The following ARHGEF12 variants were observed in gnomAD, a reference collection of about 807,000 sequenced individuals.
The protein encoded by ARHGEF12 is Rho guanine nucleotide exchange factor 12, also known as KMT2A/ARHGEF12 fusion protein.
In ARHGEF12, 66 loss-of-function variants were observed where a neutral mutation model predicts 211.2. The observed-to-expected ratio is 0.31, with a 90% CI of 0.26 to 0.38. The LOEUF is 0.38. Among genes scored for constraint, ARHGEF12 ranks in the 10% least tolerant of loss-of-function variants. The pLI is 1.00. For synonymous variants in ARHGEF12, 592 were observed against 638.4 expected, an observed-to-expected ratio of 0.93 and a Z score of 1.09; for missense variants, 1,429 against 1,869.5, an observed-to-expected ratio of 0.76 and a Z score of 4.34.
chr11:120,365,039 G>A (rs1348803042), intron 1 of ARHGEF12, among the ~76,000 whole-genome samples: 1 of 151,934 alleles, frequency 6.6e-6, no homozygotes, highest in African/African-American at 2.4e-5. Flanking sequence ...CTCCCACATT[G>A]GCCTCCCGAA....
In ARHGEF12 at chr11:120,481,250, C is replaced by T; in HGVS notation, c.4238-10C>T. ...CTGGTCTTATCAAACTATTCTGTCT[C>T]TATCCATAGGAAACTATTTGATCCT... On this transcript the variant is annotated splice_polypyrimidine_tract_variant and intron_variant, in intron 38 of 40. Coordinates refer to ENST00000397843, the MANE Select transcript of ARHGEF12 (RefSeq NM_015313.3). The T allele has an allele frequency of 6.2e-7, 1 of 1,612,192 alleles. No homozygotes were observed. The highest frequency in any genetic ancestry group is 8.5e-7 in the Non-Finnish European group (1 of 1,178,334).
chr11:120,417,332 C>A (rs1377997800), intron 4 of ARHGEF12, among the ~76,000 whole-genome samples: 1 of 151,922 alleles, frequency 6.6e-6, no homozygotes, highest in Non-Finnish European at 1.5e-5. Context: ...TGGAGAAGCA[C>A]GAATATAGTA....
intron 1 of ARHGEF12, among the ~76,000 whole-genome samples, chr11:120,386,087 A>C (rs1456141560): frequency 6.6e-6 from 1 of 152,114 alleles, no homozygotes. Context: ...TATCAACTTG[A>C]ATTATTTTAT....
At chr11:120,420,873 T>A (rs1423701279) in intron 5 of ARHGEF12, 22 bp downstream of exon 5, 1 of 1,585,480 alleles carries the variant, frequency 6.3e-7, no homozygotes, top group African/African-American at 1.3e-5. Context: ...TAAAAAACAA[T>A]TTATCACTCA....
chr11:120,477,878 A>G (rs888822428), intron 36 of ARHGEF12, among the ~76,000 whole-genome samples: 12 of 148,932 alleles, frequency 8.1e-5, no homozygotes, highest in African/African-American at 1.5e-4. Flanking sequence ...AAAAAAAGAA[A>G]AAAAGAAAAA....
chr11:120,457,357 G>C, intron 23 of ARHGEF12, 107 bp downstream of exon 23: 1 of 1,330,658 alleles, frequency 7.5e-7, no homozygotes, highest in Non-Finnish European at 1.0e-6. Flanking sequence ...TGGCATGGTG[G>C]TATGTACCTA....
chr11:120,380,150 C>T (rs1482708407), intron 1 of ARHGEF12, among the ~76,000 whole-genome samples: 1 of 152,136 alleles, frequency 6.6e-6, no homozygotes, highest in African/African-American at 2.4e-5. Context: ...ACTTCTAGTA[C>T]CATAGACTAA....
chr11:120,421,705 C>A, intron 5 of ARHGEF12, 98 bp from the exon 6 acceptor site: 1 of 1,125,150 alleles, frequency 8.9e-7, no homozygotes, highest in Non-Finnish European at 1.3e-6. Flanking sequence ...CAAAGGACAG[C>A]CCATGTTTTT....
intron 39 of ARHGEF12, among the ~76,000 whole-genome samples, chr11:120,483,551 G>A (rs1018942369): frequency 1.3e-4 from 19 of 151,982 alleles, no homozygotes; most frequent in Admixed American, 7.2e-4. Context: ...AGCTTCCTGA[G>A]TAGCTGGGAT....
At chr11:120,347,980 T>G (rs1026127249) in intron 1 of ARHGEF12, among the ~76,000 whole-genome samples, 1 of 152,270 alleles carries the variant, frequency 6.6e-6, no homozygotes, top group African/African-American at 2.4e-5. Flanking sequence ...ATAGTACCAC[T>G]ATCAAATTAA....
At chr11:120,412,772 A>G (rs1229429642) in intron 4 of ARHGEF12, among the ~76,000 whole-genome samples, 1 of 152,074 alleles carries the variant, frequency 6.6e-6, no homozygotes, top group Non-Finnish European at 1.5e-5. Context: ...TTATTTCCCT[A>G]ATTCTTATAA....
chr11:120,405,950 T>A (rs1009896944), intron 1 of ARHGEF12, 168 bp from the exon 2 acceptor site: 9 of 547,544 alleles, frequency 1.6e-5, no homozygotes, highest in Non-Finnish European at 2.2e-5. Flanking sequence ...GTTAAGATAC[T>A]TAAACATGGT....
chr11:120,443,836 C>T (rs1456631598), intron 15 of ARHGEF12, among the ~76,000 whole-genome samples: 1 of 152,088 alleles, frequency 6.6e-6, no homozygotes, highest in African/African-American at 2.4e-5. Context: ...TATAGTATAA[C>T]AACTATTTGC....
At chr11:120,372,048 C>A (rs1463132697) in intron 1 of ARHGEF12, among the ~76,000 whole-genome samples, 1 of 152,222 alleles carries the variant, frequency 6.6e-6, no homozygotes, top group East Asian at 1.9e-4. Flanking sequence ...TTGTCAGGCA[C>A]TGAGCTGGTT....
intron 15 of ARHGEF12, among the ~76,000 whole-genome samples, chr11:120,444,361 C>T (rs1400455879): frequency 6.6e-6 from 1 of 152,152 alleles, no homozygotes; most frequent in African/African-American, 2.4e-5. Context: ...AGAATCCTTA[C>T]ACTTTGATTA....
At chr11:120,354,716 C>T (rs956497635) in intron 1 of ARHGEF12, among the ~76,000 whole-genome samples, 87 of 152,094 alleles carry the variant, frequency 5.7e-4, no homozygotes, top group African/African-American at 1.9e-3. Flanking sequence ...AAAAAGAAGC[C>T]CACCAACTAA....
chr11:120,348,841 CA>C (rs1160075201), intron 1 of ARHGEF12, among the ~76,000 whole-genome samples: 3 of 151,410 alleles, frequency 2.0e-5, no homozygotes, highest in Non-Finnish European at 4.4e-5. Flanking sequence ...AACACCGTCT[CA>C]AAAAAAATAA....
At chr11:120,394,385 G>A (rs1944311228) in intron 1 of ARHGEF12, among the ~76,000 whole-genome samples, 1 of 151,500 alleles carries the variant, frequency 6.6e-6, no homozygotes, top group Admixed American at 6.6e-5. Context: ...TAGTAGAGAT[G>A]GGGTCTCACT....
intron 1 of ARHGEF12, among the ~76,000 whole-genome samples, chr11:120,380,996 C>T (rs1020058037): frequency 3.3e-5 from 5 of 152,152 alleles, no homozygotes; most frequent in Admixed American, 6.5e-5. Flanking sequence ...CATCTCCTGA[C>T]GTGGTACTAG....
Sources: allele counts gnomAD v4.1 joint callset (sites outside exome capture counted in the v4.1 genomes callset), GRCh38; gene constraint gnomAD v4.1.1; transcripts MANE v1.5; gene names NCBI Gene and HGNC (gene_info 2026-07-23, HGNC 2026-07-21).